FAM184A: variants seen among roughly 807,000 people sequenced by gnomAD.
FAM184A encodes protein FAM184A.
FAM184A carries 99 observed loss-of-function variants against 143.8 expected under a neutral mutation model. That is an observed-to-expected ratio of 0.69 (90% CI 0.58 to 0.81). The LOEUF (loss-of-function observed/expected upper bound fraction) is 0.81. FAM184A is among the 40% of genes least tolerant of loss of function. The pLI is 0.00. For synonymous variants in FAM184A, 427 were observed against 446.4 expected (o/e 0.96, Z 0.55); for missense variants, 1,217 against 1,310.5 (o/e 0.93, Z 1.10).
intron 1 of FAM184A, among the ~76,000 whole-genome samples, chr6:119,077,901 A>T (rs1246930244): frequency 6.6e-6 from 1 of 152,250 alleles, no homozygotes; most frequent in African/African-American, 2.4e-5. Context: ...TTTAGCCCCA[A>T]AGGGCAAGGA....
chr6:119,034,041 T>TATATATAG (rs1409214932), intron 1 of FAM184A, among the ~76,000 whole-genome samples: 6 of 42,004 alleles, frequency 1.4e-4, no homozygotes, highest in African/African-American at 2.1e-4. Context: ...TATATATATA[T>TATATATAG]AGAGAGAGAG....
intron 1 of FAM184A, among the ~76,000 whole-genome samples, chr6:119,107,968 A>G (rs1300536840): frequency 2.0e-5 from 3 of 152,180 alleles, no homozygotes; most frequent in Non-Finnish European, 4.4e-5. Flanking sequence ...CTTTACAAAT[A>G]TGAACTGAAT....
At chr6:118,987,888 G>A (rs1029109728) in intron 9 of FAM184A, among the ~76,000 whole-genome samples, 2 of 152,082 alleles carry the variant, frequency 1.3e-5, no homozygotes, top group Admixed American at 6.6e-5. Flanking sequence ...TAATACATGT[G>A]GTAGATGTAT....
intron 1 of FAM184A, among the ~76,000 whole-genome samples, chr6:119,096,862 C>G (rs929477181): frequency 6.6e-6 from 1 of 152,144 alleles, no homozygotes; most frequent in Non-Finnish European, 1.5e-5. Context: ...CTGTCCTTGA[C>G]GTCAGAAGGC....
Position 119,022,955 on chromosome 6 carries a change from G to C in FAM184A, c.1140C>G (p.Val380=). The change falls in exon 3 of 18, where the codon GTC becomes GTG. Residue 380 remains valine, a synonymous_variant. Transcript: ENST00000338891. ...ERLQQQASDL[V]LKASHIGMLQ... The stretch of plus-strand genomic sequence containing the variant: ...TGTGGTCACACATACTAGCTTTGAG[G>C]ACAAGATCTGAAGCTTGCTGTTGTA... The C allele has an allele frequency of 1.2e-6, 2 of 1,614,122 alleles. No individual in the cohort carries two copies. The highest frequency in any genetic ancestry group is 1.7e-6 in the Non-Finnish European group (2 of 1,180,010).
chr6:118,964,586 T>C (rs768306230), intron 16 of FAM184A, 81 bp downstream of exon 16: 4 of 654,330 alleles, frequency 6.1e-6, no homozygotes, highest in Middle Eastern at 2.6e-4. Flanking sequence ...TTTATCTAAC[T>C]ATGCTGCTCC....
At chr6:119,019,749 T>G (rs1238871757) in intron 4 of FAM184A, among the ~76,000 whole-genome samples, 3 of 152,240 alleles carry the variant, frequency 2.0e-5, no homozygotes, top group Non-Finnish European at 4.4e-5. Context: ...TTGAAATGTC[T>G]TAAAGTTTTT....
intron 1 of FAM184A, among the ~76,000 whole-genome samples, chr6:119,055,542 G>A (rs756166474): frequency 1.2e-4 from 19 of 152,154 alleles, no homozygotes; most frequent in Non-Finnish European, 2.5e-4. Context: ...CTCCACATCC[G>A]TGGCAACACT....
intron 1 of FAM184A, among the ~76,000 whole-genome samples, chr6:119,025,210 A>G (rs1422850968): frequency 6.6e-6 from 1 of 152,172 alleles, no homozygotes; most frequent in Non-Finnish European, 1.5e-5. Context: ...TCTCATAGTA[A>G]GACTCTGCCC....
intron 4 of FAM184A, 85 bp downstream of exon 4, chr6:119,019,893 G>A: frequency 8.1e-7 from 1 of 1,241,892 alleles, no homozygotes. Flanking sequence ...CTGGGGAGTA[G>A]CAAGAAATAC....
At chr6:119,012,995 C>T (rs893352748) in intron 5 of FAM184A, among the ~76,000 whole-genome samples, 5 of 152,084 alleles carry the variant, frequency 3.3e-5, no homozygotes, top group African/African-American at 1.2e-4. Context: ...AAGAGAGAAT[C>T]TGACACTAGA....
intron 6 of FAM184A, chr6:119,011,102 CTTAGT>C (rs1785074798): frequency 4.4e-6 from 2 of 455,210 alleles, no homozygotes; most frequent in African/African-American, 2.1e-5. Flanking sequence ...ACAACAGCAC[CTTAGT>C]TTAATGTTTT....
rs767689037 is a variant in FAM184A, at chr6:119,020,151, C to T, written c.1159G>A (p.Gly387Arg). 2 of 1,557,340 alleles carry T rather than the reference C, an allele frequency of 1.3e-6. No individual in the cohort carries two copies. The highest frequency in any genetic ancestry group is 4.2e-5 in the Admixed American group (2 of 47,718). ...GTCATTTGAGTTGCTTGAAGCATTC[C>T]AATATGACCTATCCCCCAAAAAGAA... ...SDLVLKASHI[G>R]MLQATQMTQE... The change falls in exon 4 of 18, where the codon GGA (glycine) becomes AGA (arginine). Residue 387 changes from glycine to arginine, a missense_variant. Physicochemically the swap from Gly to Arg is moderately radical, Grantham distance 125. Coordinates refer to ENST00000338891, the MANE Select transcript of FAM184A (RefSeq NM_024581.6).
At chr6:119,138,913 A>G (rs1772114090) in intron 1 of FAM184A, among the ~76,000 whole-genome samples, 1 of 152,146 alleles carries the variant, frequency 6.6e-6, no homozygotes, top group Non-Finnish European at 1.5e-5. Flanking sequence ...GGCATGAGCC[A>G]CCGCACCCAG....
chr6:119,049,461 AAAAAC>A (rs1013012116), intron 1 of FAM184A, among the ~76,000 whole-genome samples: 4 of 152,018 alleles, frequency 2.6e-5, no homozygotes, highest in Non-Finnish European at 5.9e-5. Context: ...AAAATAAAAT[AAAAAC>A]AAAACAAAAC....
intron 1 of FAM184A, among the ~76,000 whole-genome samples, chr6:119,100,493 G>A (rs1387620294): frequency 6.6e-6 from 1 of 152,146 alleles, no homozygotes; most frequent in East Asian, 1.9e-4. Flanking sequence ...GGATGCTTAA[G>A]GTGAAAAGTC....
chr6:118,981,356 T>A (rs1784015789), intron 9 of FAM184A, among the ~76,000 whole-genome samples: 1 of 152,224 alleles, frequency 6.6e-6, no homozygotes, highest in East Asian at 1.9e-4. Context: ...GAGAACCAGA[T>A]ACAAAGTTGT....
At chr6:119,028,199 C>A (rs1167084751) in intron 1 of FAM184A, among the ~76,000 whole-genome samples, 1 of 152,192 alleles carries the variant, frequency 6.6e-6, no homozygotes, top group Non-Finnish European at 1.5e-5. Context: ...TAGCACTCTG[C>A]AATAGGCAAC....
In FAM184A at chr6:118,961,827, A is replaced by T; in HGVS notation, c.3275T>A (p.Ile1092Asn). The T allele has an allele frequency of 6.2e-7, 1 of 1,613,914 alleles. No homozygotes were observed. Among genetic ancestry groups the T allele is most frequent in the Non-Finnish European group, 8.5e-7 (1 of 1,179,884 alleles). ...AAGTGGTTTGCTGCTGTTGAACTCA[A>T]TATCGTGGACTGGAGAATTAGGAAT... is the stretch of plus-strand genomic sequence containing the variant. ...DPIPNSPVHD[I>N]EFNSSKPLPQ... The change falls in exon 17 of 18, where the codon ATT (isoleucine) becomes AAT (asparagine). Residue 1092 changes from isoleucine to asparagine, a missense_variant. Coordinates refer to ENST00000338891, the MANE Select transcript of FAM184A (RefSeq NM_024581.6).
Sources: gnomAD v4.1 joint callset for allele counts (sites outside exome capture counted in the v4.1 genomes callset) on GRCh38, gnomAD v4.1.1 for gene constraint, MANE v1.5 for transcripts, NCBI Gene and HGNC (gene_info 2026-07-23, HGNC 2026-07-21) for gene names.